ACTR3B: variants seen among roughly 807,000 people sequenced by gnomAD.
ACTR3B encodes actin related protein 3B.
ACTR3B carries 8 observed loss-of-function variants against 59.0 expected under a neutral mutation model. The observed-to-expected ratio is 0.14, with a 90% CI of 0.08 to 0.24. ACTR3B has a LOEUF of 0.24. Among genes scored for constraint, ACTR3B ranks in the 10% least tolerant of loss-of-function variants. ACTR3B has a pLI of 1.00. For synonymous variants in ACTR3B, 148 were observed against 197.9 expected, an observed-to-expected ratio of 0.75 and a Z score of 2.12; for missense variants, 245 against 552.3, an observed-to-expected ratio of 0.44 and a Z score of 5.58.
chr7:152,801,522 C>A, intron 3 of ACTR3B, 99 bp from the exon 4 acceptor site: 1 of 1,517,804 alleles, frequency 6.6e-7, no homozygotes, highest in Non-Finnish European at 8.9e-7. Flanking sequence ...AGAAGGATAC[C>A]TTTATTCTTA....
chr7:152,795,194 C>G (rs1007779343), intron 2 of ACTR3B, among the ~76,000 whole-genome samples: 6 of 152,168 alleles, frequency 3.9e-5, no homozygotes, highest in African/African-American at 1.4e-4. Flanking sequence ...GCCACCACAC[C>G]CAGCTAATTT....
At chr7:152,827,790 A>G (rs1796696601) in intron 9 of ACTR3B, among the ~76,000 whole-genome samples, 1 of 152,142 alleles carries the variant, frequency 6.6e-6, no homozygotes, top group South Asian at 2.1e-4. Context: ...GAAGAAAGGG[A>G]CTTCTTTCCA....
chr7:152,760,903 T>A (rs774450178), intron 1 of ACTR3B, among the ~76,000 whole-genome samples: 1 of 152,152 alleles, frequency 6.6e-6, no homozygotes. Context: ...CTCTTAGCGA[T>A]TTTTTTCAAG....
At chr7:152,760,598 A>G (rs566317587) in intron 1 of ACTR3B, among the ~76,000 whole-genome samples, 14 of 152,336 alleles carry the variant, frequency 9.2e-5, no homozygotes, top group African/African-American at 3.1e-4. Context: ...TCGCTGAAAA[A>G]TGATGTGTTT....
chr7:152,787,801 C>T (rs2098179655), intron 2 of ACTR3B, among the ~76,000 whole-genome samples: 4 of 151,912 alleles, frequency 2.6e-5, no homozygotes, highest in South Asian at 4.1e-4. Flanking sequence ...ATGTTTTAAT[C>T]TAGTGGGTTC....
chr7:152,823,224 G>A (rs1237147723), intron 7 of ACTR3B, 118 bp from the exon 8 acceptor site: 47 of 1,397,468 alleles, frequency 3.4e-5, no homozygotes, highest in Non-Finnish European at 4.5e-5. Context: ...CTAGAGTTAC[G>A]GTGGGGGCGG....
chr7:152,807,744 C>A (rs1301145353), intron 4 of ACTR3B, among the ~76,000 whole-genome samples: 4 of 152,154 alleles, frequency 2.6e-5, no homozygotes, highest in African/African-American at 9.7e-5. Context: ...TACATTTTTC[C>A]ACATTAGTTA....
At chr7:152,843,476 G>T in intron 9 of ACTR3B, among the ~76,000 whole-genome samples, 1 of 152,220 alleles carries the variant, frequency 6.6e-6, no homozygotes, top group East Asian at 1.9e-4. Flanking sequence ...TGATGACTTT[G>T]TCTAAAATCA....
At chr7:152,766,245 G>C (rs986869610) in intron 1 of ACTR3B, among the ~76,000 whole-genome samples, 22 of 152,334 alleles carry the variant, frequency 1.4e-4, no homozygotes, top group Middle Eastern at 6.8e-3. Flanking sequence ...GTGCAGCCGT[G>C]CAGGATGCAG....
chr7:152,826,635 A>T (rs1184022633), intron 9 of ACTR3B, among the ~76,000 whole-genome samples: 5,695 of 151,382 alleles, frequency 0.038, no homozygotes, highest in African/African-American at 0.13. Context: ...CATCAGTGAA[A>T]GCAGCAGCAG....
Position 152,853,681 on chromosome 7 carries a change from T to C in ACTR3B, c.1161+104T>C, listed in dbSNP as rs1014663734. On this transcript the variant is annotated intron_variant, in intron 11 of 11. Coordinates refer to ENST00000256001, the MANE Select transcript of ACTR3B (RefSeq NM_020445.6). ...TGAAATAGTGTGTGCCCTAATCGTG[T>C]GGCTCTAAACAGACCATTCTGTAAG... The C allele has an allele frequency of 4.8e-6, 5 of 1,037,762 alleles. No individual in the cohort carries two copies. The Admixed American group carries it at 1.0e-4, about 21-fold the overall frequency. 64.3% of individuals were successfully genotyped at this position (1,037,762 alleles called of 1,614,324 possible).
At chr7:152,851,624 G>A (rs537946846) in intron 9 of ACTR3B, among the ~76,000 whole-genome samples, 2 of 152,334 alleles carry the variant, frequency 1.3e-5, no homozygotes, top group East Asian at 3.9e-4. Context: ...AGCGAGTCTT[G>A]GCCCTGGAGG....
In ACTR3B at chr7:152,771,131, T is replaced by G. The variant is rs539597795; in HGVS notation, c.44+11205T>G. Reference sequence around the variant, plus strand: ...GGTGCCTGCTACCATGCCTGGCTAATTTTTGTATTTTTAGTAGAGATGGGG... The same window carrying G: ...GGTGCCTGCTACCATGCCTGGCTAAGTTTTGTATTTTTAGTAGAGATGGGG... On this transcript the variant is annotated intron_variant, in intron 1 of 11. Coordinates refer to ENST00000256001, the MANE Select transcript of ACTR3B (RefSeq NM_020445.6). Among the ~76,000 whole-genome samples the G allele has an allele frequency of 4.5e-4, 69 of 151,804 alleles. 1 individual carries two copies. The highest frequency in any genetic ancestry group is 1.6e-3 in the African/African-American group (68 of 41,354).
intron 2 of ACTR3B, among the ~76,000 whole-genome samples, chr7:152,789,992 T>C (rs1481867593): frequency 2.5e-4 from 37 of 148,276 alleles, no homozygotes; most frequent in Non-Finnish European, 4.1e-4. Flanking sequence ...ACATTTGTAC[T>C]CTTTCTTTTT....
chr7:152,759,756 G>C lies in ACTR3B; in HGVS notation c.-127G>C, dbSNP rs1590171195. 4 of 713,716 alleles carry C rather than the reference G, an allele frequency of 5.6e-6. No homozygotes were observed. Among genetic ancestry groups the C allele is most frequent in the East Asian group, 1.5e-4 (2 of 13,124 alleles). The allele number at this position is 713,716 out of a possible 1,614,324, so 44.2% of individuals were successfully genotyped here. ...GTCACGTGTCGGCCGCCGAGCATCC[G>C]GGCTCCCGGCAGCGGCGCTGCGGCG... On this transcript the variant is annotated 5_prime_UTR_variant, in exon 1 of 12. Coordinates refer to ENST00000256001, the MANE Select transcript of ACTR3B (RefSeq NM_020445.6).
Position 152,845,107 on chromosome 7 carries a change from C to T in ACTR3B, c.952-7019C>T, listed in dbSNP as rs539370257. On this transcript the variant is annotated intron_variant, in intron 9 of 11. Transcript: ENST00000256001. ...CACCTGCAACTGTGAGTGTCTTAAT[C>T]GACTCGGTTTAGGGACTTTTGTTTT... is the stretch of plus-strand genomic sequence containing the variant. 3.3e-4 allele frequency among the ~76,000 whole-genome samples: 49 copies of T among 150,462 alleles called. No homozygotes were observed. The East Asian group carries it at 7.7e-3, about 24-fold the overall frequency.
chr7:152,775,746 C>A (rs111533855), intron 1 of ACTR3B, among the ~76,000 whole-genome samples: 4 of 146,894 alleles, frequency 2.7e-5, no homozygotes, highest in African/African-American at 1.0e-4. Context: ...GCAACAAGAG[C>A]GAAACTCCGT....
intron 2 of ACTR3B, among the ~76,000 whole-genome samples, chr7:152,792,903 A>G (rs1215072281): frequency 2.6e-5 from 4 of 151,658 alleles, no homozygotes; most frequent in African/African-American, 7.3e-5. Context: ...TTCTCGGGAT[A>G]TTTTTGCTGA....
intron 2 of ACTR3B, among the ~76,000 whole-genome samples, chr7:152,795,343 G>A (rs2098212644): frequency 6.6e-6 from 1 of 152,178 alleles, no homozygotes; most frequent in South Asian, 2.1e-4. Context: ...CACTGCTCCT[G>A]GCCTCAAATT....
Sources: allele counts gnomAD v4.1 joint callset (sites outside exome capture counted in the v4.1 genomes callset), GRCh38; gene constraint gnomAD v4.1.1; transcripts MANE v1.5; gene names NCBI Gene and HGNC (gene_info 2026-07-23, HGNC 2026-07-21).